NRG1: variants seen among roughly 807,000 people sequenced by gnomAD.
NRG1 encodes neuregulin 1, also known as pro-neuregulin-1, membrane-bound isoform.
NRG1 carries 18 observed loss-of-function variants against 63.8 expected under a neutral mutation model. The observed-to-expected ratio is 0.28, with a 90% CI of 0.19 to 0.42. The LOEUF (loss-of-function observed/expected upper bound fraction) is 0.42. NRG1 is among the 10% of genes least tolerant of loss of function. NRG1 has a pLI of 1.00. For synonymous variants in NRG1, 302 were observed against 301.3 expected, an observed-to-expected ratio of 1.00 and a Z score of -0.02; for missense variants, 762 against 814.7, an observed-to-expected ratio of 0.94 and a Z score of 0.79.
At chr8:32,290,217 G>T (rs1429551357) in intron 1 of NRG1, among the ~76,000 whole-genome samples, 1 of 151,716 alleles carries the variant, frequency 6.6e-6, no homozygotes, top group African/African-American at 2.4e-5. Context: ...CTCCAGCTTG[G>T]GTGATACATC....
chr8:32,655,489 T>C (rs1801266643), intron 5 of NRG1, among the ~76,000 whole-genome samples: 1 of 152,166 alleles, frequency 6.6e-6, no homozygotes, highest in South Asian at 2.1e-4. Context: ...CTTAAAAATA[T>C]ATTGAATTCC....
chr8:32,293,638 A>AT (rs1333377592), intron 1 of NRG1, among the ~76,000 whole-genome samples: 1 of 149,772 alleles, frequency 6.7e-6, no homozygotes, highest in African/African-American at 2.5e-5. Context: ...TTTTATTTTA[A>AT]TTTTTTTCTA....
intron 1 of NRG1, among the ~76,000 whole-genome samples, chr8:31,811,444 A>G (rs1460932218): frequency 6.6e-6 from 1 of 152,158 alleles, no homozygotes; most frequent in Non-Finnish European, 1.5e-5. Flanking sequence ...ATTTTCCCCG[A>G]TGTGCCATGC....
intron 1 of NRG1, among the ~76,000 whole-genome samples, chr8:32,003,291 T>C (rs1813241537): frequency 1.3e-5 from 2 of 152,080 alleles, no homozygotes; most frequent in African/African-American, 4.8e-5. Flanking sequence ...AGTAAGGATA[T>C]AAAATCAGTA....
intron 1 of NRG1, among the ~76,000 whole-genome samples, chr8:32,429,498 C>T (rs1197295757): frequency 2.6e-5 from 4 of 152,116 alleles, no homozygotes; most frequent in African/African-American, 4.8e-5. Flanking sequence ...CAGTAACTTA[C>T]GCAAATATGT....
At chr8:32,208,972 T>G (rs923995245) in intron 1 of NRG1, among the ~76,000 whole-genome samples, 9 of 152,156 alleles carry the variant, frequency 5.9e-5, no homozygotes, top group African/African-American at 2.2e-4. Flanking sequence ...ATCATGTAGA[T>G]GAGTGCAAAA....
chr8:32,700,048 C>T (rs952068308), intron 5 of NRG1, among the ~76,000 whole-genome samples: 20 of 151,934 alleles, frequency 1.3e-4, no homozygotes, highest in African/African-American at 4.6e-4. Context: ...TTCCTCATTC[C>T]AAAAACAAAC....
intron 1 of NRG1, among the ~76,000 whole-genome samples, chr8:32,159,278 T>TA (rs552683945): frequency 6.6e-6 from 1 of 152,144 alleles, no homozygotes; most frequent in South Asian, 2.1e-4. Context: ...CTCACGCCTG[T>TA]AATCCCAGCA....
intron 1 of NRG1, among the ~76,000 whole-genome samples, chr8:31,680,488 G>T (rs1409921753): frequency 6.6e-6 from 1 of 151,650 alleles, no homozygotes; most frequent in Non-Finnish European, 1.5e-5. Flanking sequence ...TTTTATGGCT[G>T]CATAGTATTC....
intron 1 of NRG1, among the ~76,000 whole-genome samples, chr8:32,300,423 A>G (rs1855452266): frequency 6.6e-6 from 1 of 152,226 alleles, no homozygotes; most frequent in Non-Finnish European, 1.5e-5. Flanking sequence ...CAGGGAAAAT[A>G]GATTAATTTC....
At chr8:32,048,446 C>CATATAT (rs869311093) in intron 1 of NRG1, among the ~76,000 whole-genome samples, 133 of 6,658 alleles carry the variant, frequency 0.02, 2 homozygotes, top group African/African-American at 0.021. Flanking sequence ...TATATACATA[C>CATATAT]ATATATATAT....
At chr8:31,719,924 A>C (rs1812736753) in intron 1 of NRG1, among the ~76,000 whole-genome samples, 1 of 152,088 alleles carries the variant, frequency 6.6e-6, no homozygotes, top group Non-Finnish European at 1.5e-5. Flanking sequence ...AGAAGGTTTT[A>C]GTTTAGACAT....
At chr8:32,199,331 A>G (rs1230358716) in intron 1 of NRG1, among the ~76,000 whole-genome samples, 4 of 152,198 alleles carry the variant, frequency 2.6e-5, no homozygotes, top group South Asian at 2.1e-4. Flanking sequence ...CATTCCTGCT[A>G]TATACTTTAA....
rs542705156 is a variant in NRG1 at position 32,174,304 on chromosome 8, T to C, written c.38-421524T>C. ...AACCAACGAGAACAAAGACACAACA[T>C]ACCAGAATCTCTGGGACACATTCAA... On this transcript the variant is annotated intron_variant, in intron 1 of 10. Transcript: ENST00000519301. Among the ~76,000 whole-genome samples, 136 of 152,094 alleles carry C rather than the reference T, an allele frequency of 8.9e-4. 1 individual carries two copies. Among genetic ancestry groups the C allele is most frequent in the Non-Finnish European group, 1.9e-4 (13 of 67,982 alleles).
chr8:32,364,220 A>G (rs1807647472), intron 1 of NRG1, among the ~76,000 whole-genome samples: 1 of 151,876 alleles, frequency 6.6e-6, no homozygotes, highest in South Asian at 2.1e-4. Context: ...GTGAATAGAT[A>G]ACCAAACTCA....
intron 1 of NRG1, among the ~76,000 whole-genome samples, chr8:32,101,146 G>A (rs1830524797): frequency 6.6e-6 from 1 of 152,124 alleles, no homozygotes; most frequent in Non-Finnish European, 1.5e-5. Context: ...AAGTGCAGCA[G>A]CATAAATAGA....
At chr8:31,716,253 G>A (rs577383661) in intron 1 of NRG1, among the ~76,000 whole-genome samples, 1 of 152,096 alleles carries the variant, frequency 6.6e-6, no homozygotes, top group Non-Finnish European at 1.5e-5. Flanking sequence ...ATTATTGTTT[G>A]TTTTTTGTAT....
chr8:31,696,177 C>T (rs1810042365), intron 1 of NRG1, among the ~76,000 whole-genome samples: 2 of 152,286 alleles, frequency 1.3e-5, no homozygotes, highest in South Asian at 4.1e-4. Flanking sequence ...AAGCATTCTC[C>T]TCCCTCAGCC....
At chr8:32,771,715 A>AAAAATATATATAT (rs1343943621), downstream of NRG1, among the ~76,000 whole-genome samples, 70 of 111,830 alleles carry the variant, frequency 6.3e-4, no homozygotes, top group African/African-American at 2.3e-3. Flanking sequence ...TTAAAAAAAA[A>AAAAATATATATAT]ATATATATAT....
Sources: allele counts gnomAD v4.1 joint callset (sites outside exome capture counted in the v4.1 genomes callset), GRCh38; gene constraint gnomAD v4.1.1; transcripts MANE v1.5; gene names NCBI Gene and HGNC (gene_info 2026-07-23, HGNC 2026-07-21).